CACNB4: variants seen among roughly 807,000 people sequenced by gnomAD.
CACNB4 encodes the protein voltage-dependent L-type calcium channel subunit beta-4.
A neutral mutation model predicts 71.2 loss-of-function variants in CACNB4; 32 were observed. The observed-to-expected ratio is 0.45, with a 90% CI of 0.34 to 0.60. The LOEUF is 0.60. Among genes scored for constraint, CACNB4 ranks in the 20% least tolerant of loss-of-function variants. The probability of loss-of-function intolerance (pLI) is 0.01; values close to 1 mark genes in which losing one functional copy is unlikely to be tolerated. For synonymous variants in CACNB4, 231 were observed against 236.9 expected, an observed-to-expected ratio of 0.97 and a Z score of 0.23; for missense variants, 464 against 647.9, an observed-to-expected ratio of 0.72 and a Z score of 3.08.
intron 9 of CACNB4, among the ~76,000 whole-genome samples, chr2:151,865,075 T>C (rs555699525): frequency 3.3e-4 from 50 of 152,330 alleles, no homozygotes; most frequent in African/African-American, 1.2e-3. Flanking sequence ...TTTATGAGTC[T>C]GCATTTGAAT....
intron 2 of CACNB4, among the ~76,000 whole-genome samples, chr2:151,996,250 G>A (rs993365991): frequency 6.6e-6 from 1 of 152,170 alleles, no homozygotes; most frequent in African/African-American, 2.4e-5. Context: ...TTTATTGAAT[G>A]AAGATCAAAC....
At chr2:151,876,391 C>A (rs757706995) in intron 5 of CACNB4, 35 bp downstream of exon 5, 4 of 1,574,240 alleles carry the variant, frequency 2.5e-6, no homozygotes, top group Non-Finnish European at 2.6e-6. Flanking sequence ...AATTTTCTGA[C>A]CAAAAAAAAG....
intron 3 of CACNB4, among the ~76,000 whole-genome samples, chr2:151,881,386 C>T (rs1200800072): frequency 6.6e-6 from 1 of 152,058 alleles, no homozygotes; most frequent in Non-Finnish European, 1.5e-5. Context: ...TTCTATACAA[C>T]AGAATATCTG....
At chr2:151,966,849 A>G (rs1045736648) in intron 2 of CACNB4, among the ~76,000 whole-genome samples, 1 of 152,134 alleles carries the variant, frequency 6.6e-6, no homozygotes, top group African/African-American at 2.4e-5. Flanking sequence ...CAGATAATAT[A>G]TATCTGATTT....
At chr2:151,917,834 CAAAA>C (rs35688438) in intron 2 of CACNB4, among the ~76,000 whole-genome samples, 2 of 116,238 alleles carry the variant, frequency 1.7e-5, no homozygotes, top group African/African-American at 3.3e-5. Context: ...GACACTGTCT[CAAAA>C]AAAAAAAAAA....
intron 2 of CACNB4, among the ~76,000 whole-genome samples, chr2:151,948,600 G>T (rs1185497858): frequency 1.3e-5 from 2 of 152,052 alleles, no homozygotes; most frequent in African/African-American, 4.8e-5. Context: ...AGTCCAGGCT[G>T]CAGTGAGCCA....
chr2:152,088,622 A>G (rs999807937), intron 2 of CACNB4, among the ~76,000 whole-genome samples: 12 of 152,240 alleles, frequency 7.9e-5, no homozygotes, highest in Non-Finnish European at 1.6e-4. Flanking sequence ...AAAATGAGAA[A>G]TGAAATAGAC....
chr2:151,844,156 T>C (rs1318407652), intron 12 of CACNB4, among the ~76,000 whole-genome samples: 1 of 152,154 alleles, frequency 6.6e-6, no homozygotes, highest in Non-Finnish European at 1.5e-5. Flanking sequence ...GGGTATACAG[T>C]GGCAAGGAAA....
chr2:151,931,787 ACCT>A (rs928050694), intron 2 of CACNB4, among the ~76,000 whole-genome samples: 2 of 152,172 alleles, frequency 1.3e-5, no homozygotes, highest in African/African-American at 4.8e-5. Flanking sequence ...GATGAGTTCT[ACCT>A]CTTCTCAACA....
At chr2:151,994,173 TA>T (rs201980694) in intron 2 of CACNB4, among the ~76,000 whole-genome samples, 1 of 149,332 alleles carries the variant, frequency 6.7e-6, no homozygotes, top group Non-Finnish European at 1.5e-5. Flanking sequence ...CTCTGTTTCT[TA>T]AAAAAAAACA....
chr2:151,898,236 A>T (rs1320762700), intron 2 of CACNB4, among the ~76,000 whole-genome samples: 3 of 152,212 alleles, frequency 2.0e-5, no homozygotes, highest in Admixed American at 2.0e-4. Flanking sequence ...TATGAGGCTG[A>T]CACTCCTGAC....
intron 2 of CACNB4, among the ~76,000 whole-genome samples, chr2:151,979,160 T>C (rs2099874294): frequency 6.6e-6 from 1 of 152,028 alleles, no homozygotes; most frequent in Admixed American, 6.6e-5. Flanking sequence ...TACTGCTGGT[T>C]CATGCCAAAG....
At chr2:151,915,183 T>C (rs1415945089) in intron 2 of CACNB4, among the ~76,000 whole-genome samples, 1 of 152,070 alleles carries the variant, frequency 6.6e-6, no homozygotes, top group Non-Finnish European at 1.5e-5. Context: ...CTGAAGTTAT[T>C]GGAGTTCCTG....
At chr2:151,847,719 T>C (rs1357590324) in intron 12 of CACNB4, among the ~76,000 whole-genome samples, 1 of 152,094 alleles carries the variant, frequency 6.6e-6, no homozygotes, top group African/African-American at 2.4e-5. Flanking sequence ...CAAAAATCTC[T>C]TTTAAAAAAT....
chr2:151,975,456 G>A (rs1194315875), intron 2 of CACNB4, among the ~76,000 whole-genome samples: 1 of 152,184 alleles, frequency 6.6e-6, no homozygotes, highest in Non-Finnish European at 1.5e-5. Flanking sequence ...AGAAGATATT[G>A]CTGTCCTTCA....
At chr2:152,060,877 T>C (rs1685975110) in intron 2 of CACNB4, among the ~76,000 whole-genome samples, 2 of 152,236 alleles carry the variant, frequency 1.3e-5, no homozygotes, top group South Asian at 4.1e-4. Flanking sequence ...TATATCTATG[T>C]GTGCATATAC....
intron 2 of CACNB4, among the ~76,000 whole-genome samples, chr2:151,923,653 C>T (rs6729612): frequency 0.49 from 74,112 of 152,106 alleles, 22,541 homozygotes; most frequent in Non-Finnish European, 0.68. Flanking sequence ...TAATGGGAAA[C>T]GTTTTTGCTA....
intron 2 of CACNB4, among the ~76,000 whole-genome samples, chr2:152,036,690 T>G (rs1262547895): frequency 6.6e-6 from 1 of 152,070 alleles, no homozygotes; most frequent in East Asian, 1.9e-4. Context: ...GATGTCGACC[T>G]CTAGAAGCAG....
chr2:151,867,184 TAGGTAACAGCTCCAC>T (rs1422539154), intron 9 of CACNB4: 2 of 152,152 alleles, frequency 1.3e-5, no homozygotes. Context: ...AGAACTGCCT[TAGGTAACAGCTCCAC>T]AGGTTGAAAC....
Sources: gnomAD v4.1 joint callset for allele counts (sites outside exome capture counted in the v4.1 genomes callset) on GRCh38, gnomAD v4.1.1 for gene constraint, MANE v1.5 for transcripts, NCBI Gene and HGNC (gene_info 2026-07-23, HGNC 2026-07-21) for gene names.